ST18: variants seen among roughly 807,000 people sequenced by gnomAD.
ST18 encodes suppression of tumorigenicity 18 protein.
A neutral mutation model predicts 110.0 loss-of-function variants in ST18; 50 were observed. The observed-to-expected ratio is 0.45, with a 90% CI of 0.36 to 0.58. The LOEUF (loss-of-function observed/expected upper bound fraction) is 0.58. Ranked by LOEUF, ST18 falls within the 20% of genes least tolerant of loss-of-function variation. The pLI, the probability that ST18 is intolerant of heterozygous loss-of-function variation, is 0.00. For missense variants in ST18, 1,306 were observed against 1,280.1 expected (o/e 1.02, Z -0.31); for synonymous variants, 461 against 452.4 (o/e 1.02, Z -0.24).
At chr8:52,359,240 G>A (rs531529492) in intron 2 of ST18, among the ~76,000 whole-genome samples, 2 of 151,970 alleles carry the variant, frequency 1.3e-5, no homozygotes, top group African/African-American at 2.4e-5. Flanking sequence ...CTGCCTCCAC[G>A]TGGTAAAAGG....
intron 3 of ST18, among the ~76,000 whole-genome samples, chr8:52,229,448 A>C (rs1289600787): frequency 6.6e-6 from 1 of 152,128 alleles, no homozygotes; most frequent in Non-Finnish European, 1.5e-5. Context: ...GCAGGTTGTA[A>C]ACTGAGAGCC....
chr8:52,141,819 CT>C (rs2055204667), intron 17 of ST18, among the ~76,000 whole-genome samples: 1 of 152,072 alleles, frequency 6.6e-6, no homozygotes, highest in African/African-American at 2.4e-5. Flanking sequence ...CTCACTGCCC[CT>C]GTGGGGTGGT....
chr8:52,402,945 G>A (rs1022037024), intron 2 of ST18, among the ~76,000 whole-genome samples: 27 of 152,284 alleles, frequency 1.8e-4, no homozygotes, highest in African/African-American at 6.0e-4. Context: ...CCAGGAACCT[G>A]AAGAGCACAC....
At chr8:52,166,064 C>T (rs959677728) in intron 11 of ST18, among the ~76,000 whole-genome samples, 1 of 152,112 alleles carries the variant, frequency 6.6e-6, no homozygotes, top group Admixed American at 6.6e-5. Context: ...ATTCCCATTG[C>T]GAGAGGAGGC....
At chr8:52,236,683 T>A (rs1424394878) in intron 2 of ST18, among the ~76,000 whole-genome samples, 2 of 151,666 alleles carry the variant, frequency 1.3e-5, no homozygotes, top group Admixed American at 6.6e-5. Context: ...TAAGATGGCA[T>A]CTTTCTTTGA....
At chr8:52,150,650 C>T (rs1778067504) in intron 15 of ST18, among the ~76,000 whole-genome samples, 1 of 152,138 alleles carries the variant, frequency 6.6e-6, no homozygotes, top group African/African-American at 2.4e-5. Context: ...TGGGTAGCAG[C>T]TGACAGCCTG....
At chr8:52,142,328 A>G (rs1469480259) in intron 17 of ST18, among the ~76,000 whole-genome samples, 3 of 152,014 alleles carry the variant, frequency 2.0e-5, no homozygotes, top group Non-Finnish European at 4.4e-5. Context: ...TTGATGAGGG[A>G]TACAGAAGAG....
intron 23 of ST18, among the ~76,000 whole-genome samples, chr8:52,123,747 T>G (rs970573884): frequency 6.6e-6 from 1 of 152,252 alleles, no homozygotes; most frequent in Admixed American, 6.5e-5. Flanking sequence ...TCAGCCCTGC[T>G]GTTCCTGGGT....
intron 2 of ST18, among the ~76,000 whole-genome samples, chr8:52,307,057 G>A (rs2095825431): frequency 6.6e-6 from 1 of 152,016 alleles, no homozygotes; most frequent in Non-Finnish European, 1.5e-5. Context: ...TTGGGCTCAC[G>A]CCTGTAACCC....
intron 19 of ST18, among the ~76,000 whole-genome samples, chr8:52,136,020 T>C (rs2052099322): frequency 6.6e-6 from 1 of 152,222 alleles, no homozygotes; most frequent in Non-Finnish European, 1.5e-5. Context: ...TATTGTTCTA[T>C]ACGTAATATA....
chr8:52,249,057 C>A (rs944543778), intron 2 of ST18, among the ~76,000 whole-genome samples: 8 of 152,114 alleles, frequency 5.3e-5, no homozygotes, highest in African/African-American at 1.7e-4. Flanking sequence ...GAACCAATAA[C>A]CTGAATGGTA....
intron 2 of ST18, among the ~76,000 whole-genome samples, chr8:52,300,076 C>G (rs2095694160): frequency 6.6e-6 from 1 of 152,212 alleles, no homozygotes; most frequent in Non-Finnish European, 1.5e-5. Flanking sequence ...TGGTTTTCAG[C>G]CTTCCGTTGA....
chr8:52,138,229 A>T (rs1586725385), intron 17 of ST18, among the ~76,000 whole-genome samples: 1 of 152,306 alleles, frequency 6.6e-6, no homozygotes, highest in East Asian at 1.9e-4. Context: ...CCAGAAAGAA[A>T]TTTTTGTGAG....
chr8:52,332,691 A>C (rs1018325886), intron 2 of ST18, among the ~76,000 whole-genome samples: 2 of 151,968 alleles, frequency 1.3e-5, no homozygotes, highest in African/African-American at 4.8e-5. Flanking sequence ...TCTTTACTAA[A>C]AATACAAAAA....
Position 52,168,981 on chromosome 8 carries a change from G to A in ST18, c.1070-1995C>T, listed in dbSNP as rs540763940. ...TTGGACCTTGCCCAGGTAAGGTCACGTTTCTAAACCACATTGAAAGGATTG... is the reference window on the plus strand; with the variant it reads ...TTGGACCTTGCCCAGGTAAGGTCACATTTCTAAACCACATTGAAAGGATTG... On this transcript the variant is annotated intron_variant, in intron 10 of 25. Transcript: ENST00000689386. Among the ~76,000 whole-genome samples the A allele has an allele frequency of 3.8e-4, 58 of 152,160 alleles. 2 individuals carry two copies. In the South Asian group the frequency reaches 0.01, roughly 27 times the overall value.
chr8:52,360,887 G>A (rs980575568), intron 2 of ST18, among the ~76,000 whole-genome samples: 2 of 152,170 alleles, frequency 1.3e-5, no homozygotes, highest in Non-Finnish European at 2.9e-5. Context: ...AAAGGGAGGT[G>A]CAGATTGAGT....
At chr8:52,124,493 C>T (rs1015072138) in intron 23 of ST18, among the ~76,000 whole-genome samples, 2 of 152,110 alleles carry the variant, frequency 1.3e-5, no homozygotes, top group African/African-American at 2.4e-5. Context: ...TTTTAACCAG[C>T]ATTTTAGAAA....
intron 8 of ST18, among the ~76,000 whole-genome samples, chr8:52,200,459 A>T (rs1220870090): frequency 1.3e-5 from 2 of 152,208 alleles, no homozygotes; most frequent in Non-Finnish European, 2.9e-5. Flanking sequence ...AGGCTTCGGC[A>T]GGTCTGGGGG....
At chr8:52,151,897 A>G (rs746285952) in intron 15 of ST18, among the ~76,000 whole-genome samples, 21 of 152,384 alleles carry the variant, frequency 1.4e-4, no homozygotes, top group South Asian at 1.0e-3. Flanking sequence ...AGAGTTTTAT[A>G]GTGCAAAACC....
Sources: gnomAD v4.1 joint callset for allele counts (sites outside exome capture counted in the v4.1 genomes callset) on GRCh38, gnomAD v4.1.1 for gene constraint, MANE v1.5 for transcripts, NCBI Gene and HGNC (gene_info 2026-07-23, HGNC 2026-07-21) for gene names.